Variants in KLHL29 observed in about 807,000 individuals in gnomAD.
KLHL29 encodes kelch like family member 29, also known as kelch-like protein 29.
KLHL29 carries 21 observed loss-of-function variants against 80.4 expected under a neutral mutation model. That is an observed-to-expected ratio of 0.26 (90% CI 0.19 to 0.38). KLHL29 has a LOEUF of 0.38. Among genes scored for constraint, KLHL29 ranks in the 10% least tolerant of loss-of-function variants. The pLI is 1.00. For missense variants in KLHL29, 867 were observed against 1,223.9 expected (o/e 0.71, Z 4.35); for synonymous variants, 511 against 526.8 (o/e 0.97, Z 0.41).
chr2:23,406,158 G>A lies in KLHL29; in HGVS notation c.-154+20378G>A, dbSNP rs569168000. ...AGCCTGACCAACATGATGAAACCCC[G>A]TCTCTACTAAAATACAAAAATTAAT... is the stretch of plus-strand genomic sequence containing the variant. On this transcript the variant is annotated intron_variant, in intron 1 of 13. Coordinates refer to ENST00000486442, the MANE Select transcript of KLHL29 (RefSeq NM_052920.2). 9.3e-4 allele frequency among the ~76,000 whole-genome samples: 141 copies of A among 151,944 alleles called. 1 individual carries two copies. The highest frequency in any genetic ancestry group is 8.5e-4 in the Admixed American group (13 of 15,260).
chr2:23,541,234 G>A (rs986604528), intron 2 of KLHL29, among the ~76,000 whole-genome samples: 1 of 152,246 alleles, frequency 6.6e-6, no homozygotes, highest in African/African-American at 2.4e-5. Context: ...AACGGAGGGA[G>A]ACGTGAATGG....
chr2:23,593,542 G>C (rs940718485), intron 3 of KLHL29, among the ~76,000 whole-genome samples: 2 of 152,134 alleles, frequency 1.3e-5, no homozygotes, highest in Admixed American at 1.3e-4. Flanking sequence ...AATGTGTATG[G>C]GTCTCCCTTT....
chr2:23,673,736 CAG>C (rs1670843524), intron 5 of KLHL29, among the ~76,000 whole-genome samples: 3 of 151,684 alleles, frequency 2.0e-5, no homozygotes, highest in East Asian at 1.9e-4. Flanking sequence ...GGCACATACA[CAG>C]GGGTGCATGC....
At chr2:23,406,220 C>T (rs573114489) in intron 1 of KLHL29, among the ~76,000 whole-genome samples, 15 of 149,594 alleles carry the variant, frequency 1.0e-4, no homozygotes, top group East Asian at 6.0e-4. Context: ...CTCAGCTACT[C>T]GGGAGGCTGA....
intron 3 of KLHL29, among the ~76,000 whole-genome samples, chr2:23,585,062 A>T (rs1403712953): frequency 6.6e-6 from 1 of 152,236 alleles, no homozygotes; most frequent in Non-Finnish European, 1.5e-5. Context: ...TAAGGAGATT[A>T]TGCAGAAGAC....
rs557209159 is a variant in KLHL29, at chr2:23,562,591, C to T, written c.285+110C>T. The T allele has an allele frequency of 3.6e-6, 4 of 1,109,432 alleles. No homozygotes were observed. The highest frequency in any genetic ancestry group is 3.2e-5 in the South Asian group (2 of 62,532). The allele number at this position is 1,109,432 out of a possible 1,614,324, so 68.7% of individuals were successfully genotyped here. A position where few individuals can be genotyped will look rare whatever the true frequency, so the allele number is the denominator to read the frequency against. On this transcript the variant is annotated intron_variant, in intron 3 of 13. Transcript: ENST00000486442. The surrounding 1 kb of genome is among the most constrained non-coding windows in gnomAD (Gnocchi z 4.5). ...GTGGGGCAGCCTGTGCTCCACGCCC[C>T]GAGTCCTCCAGAGTCTTGTCCTTCC...
rs576487682 is a variant in KLHL29 at position 23,631,753 on chromosome 2, T to C, written c.286-7386T>C. The stretch of plus-strand genomic sequence containing the variant: ...CCCGGAGGCCACAGATTTCCAGCTT[T>C]GGTGGCTCTCAACGTGTCCTTCTGA... On this transcript the variant is annotated intron_variant, in intron 3 of 13. Coordinates refer to ENST00000486442, the MANE Select transcript of KLHL29 (RefSeq NM_052920.2). Among the ~76,000 whole-genome samples, 6 of 152,332 alleles carry C rather than the reference T, an allele frequency of 3.9e-5. No homozygotes were observed. The South Asian group carries it at 1.2e-3, about 32-fold the overall frequency.
chr2:23,598,940 G>T (rs1668497989), intron 3 of KLHL29, among the ~76,000 whole-genome samples: 1 of 152,334 alleles, frequency 6.6e-6, no homozygotes, highest in South Asian at 2.1e-4. Context: ...GGAAAGCCAG[G>T]CTTGGCCCGG....
chr2:23,407,907 T>TG (rs1558326961), intron 1 of KLHL29, among the ~76,000 whole-genome samples: 1 of 151,904 alleles, frequency 6.6e-6, no homozygotes, highest in Non-Finnish European at 1.5e-5. Context: ...TGTTGGGTTT[T>TG]TTGTTGTTGT....
chr2:23,508,818 A>T lies in KLHL29; in HGVS notation c.-46+33151A>T, dbSNP rs539214306. Among the ~76,000 whole-genome samples, 42 of 152,324 alleles carry T rather than the reference A, an allele frequency of 2.8e-4. 1 individual carries two copies. In the South Asian group the frequency reaches 6.4e-3, roughly 23 times the overall value. Reference sequence around the variant, plus strand: ...CCAACATCTATCCCTGATTGCAGGGACATTTAACATAAAGCACAGCCTAGC... The same window carrying T: ...CCAACATCTATCCCTGATTGCAGGGTCATTTAACATAAAGCACAGCCTAGC... On this transcript the variant is annotated intron_variant, in intron 2 of 13. Transcript: ENST00000486442.
chr2:23,607,980 C>G (rs1214830260), intron 3 of KLHL29, among the ~76,000 whole-genome samples: 3 of 148,766 alleles, frequency 2.0e-5, no homozygotes, highest in Non-Finnish European at 4.5e-5. Flanking sequence ...TATGTTTAGT[C>G]ACTTTAGATT....
intron 2 of KLHL29, among the ~76,000 whole-genome samples, chr2:23,540,189 C>T (rs1268093360): frequency 1.3e-5 from 2 of 152,240 alleles, no homozygotes; most frequent in African/African-American, 2.4e-5. Flanking sequence ...GGTACCTGCC[C>T]AGCCCCCCAG....
chr2:23,416,231 C>G (rs1666981480), intron 1 of KLHL29, among the ~76,000 whole-genome samples: 1 of 152,124 alleles, frequency 6.6e-6, no homozygotes, highest in Non-Finnish European at 1.5e-5. Flanking sequence ...GTTCAGAAGC[C>G]CTGACCTCAC....
At chr2:23,662,589 C>T (rs1417776468) in intron 5 of KLHL29, among the ~76,000 whole-genome samples, 1 of 152,196 alleles carries the variant, frequency 6.6e-6, no homozygotes, top group African/African-American at 2.4e-5. Flanking sequence ...CCTCCCTCCC[C>T]AAAGGCAAGA....
chr2:23,421,794 G>C (rs746191354), intron 1 of KLHL29, among the ~76,000 whole-genome samples: 2 of 151,490 alleles, frequency 1.3e-5, no homozygotes, highest in Non-Finnish European at 2.9e-5. Flanking sequence ...TCATACATCT[G>C]TGTGTGTGTC....
intron 3 of KLHL29, among the ~76,000 whole-genome samples, chr2:23,579,250 T>C (rs963416199): frequency 6.6e-6 from 1 of 152,248 alleles, no homozygotes; most frequent in African/African-American, 2.4e-5. Context: ...GCCTGAGAAC[T>C]TGCTCAATGC....
rs143450704 is a variant in KLHL29, at chr2:23,401,497, T to C, written c.-154+15717T>C. ...CTGAATGAGGTTGGCGGCACTGCTA[T>C]GGTGTCTGAGCCTATACAGGAGCCG... On this transcript the variant is annotated intron_variant, in intron 1 of 13. Transcript: ENST00000486442. Among the ~76,000 whole-genome samples the C allele has an allele frequency of 1.4e-3, 211 of 152,304 alleles. 1 individual carries two copies. Among genetic ancestry groups the C allele is most frequent in the African/African-American group, 4.9e-3 (203 of 41,566 alleles).
At chr2:23,549,692 T>C (rs1001482873) in intron 2 of KLHL29, among the ~76,000 whole-genome samples, 1 of 152,214 alleles carries the variant, frequency 6.6e-6, no homozygotes, top group African/African-American at 2.4e-5. Context: ...CGCCCCTTCC[T>C]TGGGGGTCGC....
At chr2:23,520,907 C>T (rs778596933) in intron 2 of KLHL29, among the ~76,000 whole-genome samples, 2 of 152,154 alleles carry the variant, frequency 1.3e-5, no homozygotes, top group Non-Finnish European at 2.9e-5. Flanking sequence ...TTATCATAAA[C>T]CCGAGTTCAG....
Sources: allele counts gnomAD v4.1 joint callset (sites outside exome capture counted in the v4.1 genomes callset), GRCh38; gene constraint gnomAD v4.1.1; non-coding constraint Gnocchi (gnomAD v3.1); transcripts MANE v1.5; gene names NCBI Gene and HGNC (gene_info 2026-07-23, HGNC 2026-07-21).